The following INTS8 variants were observed in gnomAD, a reference collection of about 807,000 sequenced individuals.
INTS8 encodes integrator complex subunit 8, also known as protein kaonashi-1.
INTS8 carries 47 observed loss-of-function variants against 138.9 expected under a neutral mutation model. The ratio of observed to expected loss-of-function variants is 0.34; its 90% CI spans 0.27 to 0.43. The LOEUF (loss-of-function observed/expected upper bound fraction) is 0.43. Ranked by LOEUF, INTS8 falls within the 20% of genes least tolerant of loss-of-function variation. The probability of loss-of-function intolerance (pLI) is 1.00; values close to 1 mark genes in which losing one functional copy is unlikely to be tolerated. For missense variants in INTS8, 996 were observed against 1,173.0 expected (o/e 0.85, Z 2.20); for synonymous variants, 392 against 400.9 (o/e 0.98, Z 0.27).
At chr8:94,862,142 G>GT (rs1816013379) in intron 16 of INTS8, among the ~76,000 whole-genome samples, 1 of 149,532 alleles carries the variant, frequency 6.7e-6, no homozygotes, top group Admixed American at 6.7e-5. Flanking sequence ...TAGAGACGGG[G>GT]TTTTGCCATG....
chr8:94,871,607 G>A (rs1336905544), intron 20 of INTS8, among the ~76,000 whole-genome samples: 14 of 152,174 alleles, frequency 9.2e-5, no homozygotes, highest in Non-Finnish European at 1.3e-4. Flanking sequence ...TTGTAAAAGA[G>A]GCAAATACAC....
At chr8:94,830,519 A>G (rs1814673930) in intron 5 of INTS8, among the ~76,000 whole-genome samples, 1 of 152,128 alleles carries the variant, frequency 6.6e-6, no homozygotes, top group African/African-American at 2.4e-5. Flanking sequence ...TCTTTTTTAG[A>G]CAGGGTCTGA....
chr8:94,850,150 A>C, intron 12 of INTS8, 59 bp downstream of exon 12: 1 of 1,155,332 alleles, frequency 8.7e-7, no homozygotes, highest in Non-Finnish European at 1.2e-6. Context: ...TATTCAAATT[A>C]ACCTTGAAAT....
At chr8:94,846,845 A>G (rs1815350595) in intron 10 of INTS8, among the ~76,000 whole-genome samples, 1 of 152,222 alleles carries the variant, frequency 6.6e-6, no homozygotes, top group Non-Finnish European at 1.5e-5. Context: ...GTGTCTGTTG[A>G]AATGGTCACA....
chr8:94,833,082 G>A (rs1336665417), intron 6 of INTS8, among the ~76,000 whole-genome samples: 1 of 151,870 alleles, frequency 6.6e-6, no homozygotes, highest in African/African-American at 2.4e-5. Flanking sequence ...AGGACCTTGA[G>A]TAAAATAGAA....
At chr8:94,879,624 AC>A (rs890591089) in intron 26 of INTS8, 1 of 96,396 alleles carries the variant, frequency 1.0e-5, no homozygotes, top group African/African-American at 4.1e-5. Context: ...ACAAAAAAAA[AC>A]CTTTTTTTTT....
At chr8:94,831,467 T>A (rs887325852) in intron 5 of INTS8, among the ~76,000 whole-genome samples, 1 of 148,520 alleles carries the variant, frequency 6.7e-6, no homozygotes, top group African/African-American at 2.5e-5. Context: ...TTCCTGTTTT[T>A]TGTATTGTCT....
intron 10 of INTS8, among the ~76,000 whole-genome samples, chr8:94,843,669 A>G (rs780770585): frequency 1.3e-5 from 2 of 152,172 alleles, no homozygotes; most frequent in Non-Finnish European, 2.9e-5. Flanking sequence ...GTATACACAT[A>G]TGATGGAGGG....
intron 15 of INTS8, among the ~76,000 whole-genome samples, chr8:94,859,036 C>T (rs1815855797): frequency 6.6e-6 from 1 of 152,062 alleles, no homozygotes; most frequent in Non-Finnish European, 1.5e-5. Flanking sequence ...GAGTCCGAGG[C>T]GGGCAGATCA....
chr8:94,854,793 A>G (rs571720835), intron 14 of INTS8, among the ~76,000 whole-genome samples: 4 of 152,268 alleles, frequency 2.6e-5, no homozygotes, highest in African/African-American at 4.8e-5. Context: ...GTGCAGTGGC[A>G]TGATCATGGC....
chr8:94,852,031 C>G (rs532057644), intron 13 of INTS8, among the ~76,000 whole-genome samples: 1 of 152,286 alleles, frequency 6.6e-6, no homozygotes, highest in African/African-American at 2.4e-5. Flanking sequence ...CAACCTCTGT[C>G]TCCCAGATTC....
At chr8:94,839,027 A>G (rs1815038502) in intron 8 of INTS8, among the ~76,000 whole-genome samples, 1 of 152,210 alleles carries the variant, frequency 6.6e-6, no homozygotes, top group African/African-American at 2.4e-5. Context: ...AATAGCTTTT[A>G]GTTTTACAAA....
chr8:94,849,322 G>A (rs1815446808), intron 10 of INTS8, 140 bp from the exon 11 acceptor site: 1 of 610,298 alleles, frequency 1.6e-6, no homozygotes, highest in East Asian at 2.9e-5. Flanking sequence ...GGTCTCTTCT[G>A]TTAAGTTACT....
chr8:94,859,915 T>C, intron 16 of INTS8: 1 of 303,046 alleles, frequency 3.3e-6, no homozygotes, highest in Admixed American at 4.4e-5. Flanking sequence ...TTCGCTTTCT[T>C]TGCTTTGGTT....
intron 13 of INTS8, among the ~76,000 whole-genome samples, chr8:94,852,037 G>C (rs1425228811): frequency 1.3e-5 from 2 of 152,140 alleles, no homozygotes; most frequent in African/African-American, 4.8e-5. Context: ...CTGTCTCCCA[G>C]ATTCAAGTGA....
chr8:94,842,461 T>C lies in INTS8; in HGVS notation c.1233T>C (p.Asn411=). The part of the protein sequence containing the change: ...VQFNQLFLRP[N]KEKIDFLLEV... ...TTAACCAGCTATTTCTTAGACCAAA[T>C]AAAGAGAAAATAGACTTTCTTCTTG... The change falls in exon 10 of 27, where the codon AAT becomes AAC. Residue 411 remains asparagine (N), a synonymous_variant. Coordinates refer to ENST00000523731, the MANE Select transcript of INTS8 (RefSeq NM_017864.4). 1 of 1,605,418 alleles carries C rather than the reference T, an allele frequency of 6.2e-7. No homozygotes were observed.
At chr8:94,858,301 A>T (rs1283932034) in intron 15 of INTS8, among the ~76,000 whole-genome samples, 1 of 152,200 alleles carries the variant, frequency 6.6e-6, no homozygotes. Flanking sequence ...TTAATTTCTA[A>T]TTAAAGTCTA....
intron 2 of INTS8, among the ~76,000 whole-genome samples, chr8:94,825,341 A>T (rs1215485202): frequency 6.6e-6 from 1 of 151,918 alleles, no homozygotes; most frequent in East Asian, 1.9e-4. Context: ...CTGAGGCACG[A>T]GAATCGCTTG....
At chr8:94,828,506 G>C (rs1178622147) in intron 4 of INTS8, among the ~76,000 whole-genome samples, 2 of 152,170 alleles carry the variant, frequency 1.3e-5, no homozygotes, top group African/African-American at 4.8e-5. Context: ...CAGGAGTGGA[G>C]GATGGAGTTT....
Sources: gnomAD v4.1 joint callset for allele counts (sites outside exome capture counted in the v4.1 genomes callset) on GRCh38, gnomAD v4.1.1 for gene constraint, MANE v1.5 for transcripts, NCBI Gene and HGNC (gene_info 2026-07-23, HGNC 2026-07-21) for gene names.